The following PFKP variants were observed in gnomAD, a reference collection of about 807,000 sequenced individuals.
PFKP encodes ATP-dependent 6-phosphofructokinase, platelet type.
A neutral mutation model predicts 94.3 loss-of-function variants in PFKP; 101 were observed. That is an observed-to-expected ratio of 1.07 (90% CI 0.91 to 1.26). The LOEUF (loss-of-function observed/expected upper bound fraction) is 1.26, where lower values mean the gene tolerates loss of function less well. PFKP is among the 50% of genes most tolerant of loss of function. PFKP has a pLI of 0.00. For synonymous variants in PFKP, 573 were observed against 432.6 expected, an observed-to-expected ratio of 1.32 and a Z score of -4.03; for missense variants, 1,145 against 1,103.3, an observed-to-expected ratio of 1.04 and a Z score of -0.53.
intron 16 of PFKP, among the ~76,000 whole-genome samples, chr10:3,124,404 G>A (rs2131670159): frequency 6.6e-6 from 1 of 152,340 alleles, no homozygotes; most frequent in South Asian, 2.1e-4. Context: ...GTGTACACGG[G>A]CTCAAGAACC....
At chr10:3,101,600 T>C (rs1835004281) in intron 4 of PFKP, 46 bp downstream of exon 4, 1 of 1,381,578 alleles carries the variant, frequency 7.2e-7, no homozygotes, top group African/African-American at 1.5e-5. Context: ...TCGCCCTGTT[T>C]CAGAGCTTTG....
intron 10 of PFKP, among the ~76,000 whole-genome samples, chr10:3,111,084 A>C (rs117079053): frequency 6.6e-6 from 1 of 151,386 alleles, no homozygotes; most frequent in Admixed American, 6.6e-5. Context: ...ATGCATCTGC[A>C]TGTGTGTGCA....
At chr10:3,131,489 C>T (rs1323154893) in intron 17 of PFKP, among the ~76,000 whole-genome samples, 2 of 152,130 alleles carry the variant, frequency 1.3e-5, no homozygotes. Flanking sequence ...TGGAGTCTCG[C>T]TCTGTCACCC....
intron 1 of PFKP, among the ~76,000 whole-genome samples, chr10:3,073,044 G>A (rs947900559): frequency 1.2e-4 from 18 of 151,776 alleles, no homozygotes; most frequent in African/African-American, 4.1e-4. Context: ...GGTTCTCTCC[G>A]TCTTCACCCC....
chr10:3,126,828 T>C, intron 16 of PFKP, among the ~76,000 whole-genome samples: 1 of 152,262 alleles, frequency 6.6e-6, no homozygotes, highest in East Asian at 1.9e-4. Context: ...CCTCGGGGAA[T>C]TTCTCAGCAG....
intron 2 of PFKP, among the ~76,000 whole-genome samples, chr10:3,095,900 G>C (rs898854001): frequency 2.0e-5 from 3 of 152,176 alleles, no homozygotes; most frequent in Non-Finnish European, 4.4e-5. Context: ...CTTAGCTCAC[G>C]CATGCACTAG....
rs1387027668 is a variant in PFKP at position 3,109,351 on chromosome 10, C to T, written c.964-4C>T. On this transcript the variant is annotated splice_polypyrimidine_tract_variant and splice_region_variant and intron_variant, in intron 9 of 21. Transcript: ENST00000381125. ...CCCCTGACCCACATGGACCTGGTTT[C>T]CAGGCCAGCCGCATGGGAGTGGAGG... 1.9e-6 allele frequency: 3 copies of T among 1,609,038 alleles called. No individual in the cohort carries two copies. The highest frequency in any genetic ancestry group is 2.5e-6 in the Non-Finnish European group (3 of 1,179,996).
chr10:3,105,157 T>TG lies in PFKP; in HGVS notation c.665+1dup. The TG allele has an allele frequency of 6.2e-7, 1 of 1,613,682 alleles. No individual in the cohort carries two copies. The highest frequency in any genetic ancestry group is 8.5e-7 in the Non-Finnish European group (1 of 1,179,722). On this transcript the variant is annotated frameshift_variant and splice_region_variant, in exon 6 of 22. Transcript: ENST00000381125. LOFTEE classifies it high-confidence loss of function. ...TTCTGGAGGTGATGGGACGACACTG[T>TG]GGGTACGTACCTGCGGTGGGTCCGG...
intron 1 of PFKP, among the ~76,000 whole-genome samples, chr10:3,075,675 G>A (rs986239426): frequency 6.7e-6 from 1 of 149,740 alleles, no homozygotes; most frequent in East Asian, 2.0e-4. Context: ...GCCCAAGGCA[G>A]GTGGATCACT....
At chr10:3,074,465 A>G (rs1434994710) in intron 1 of PFKP, among the ~76,000 whole-genome samples, 1 of 152,128 alleles carries the variant, frequency 6.6e-6, no homozygotes, top group Non-Finnish European at 1.5e-5. Context: ...ACTGTCTCCG[A>G]TAAGGGTGGC....
At chr10:3,094,995 CTG>C (rs1554765177) in intron 2 of PFKP, among the ~76,000 whole-genome samples, 1 of 152,166 alleles carries the variant, frequency 6.6e-6, no homozygotes, top group Non-Finnish European at 1.5e-5. Flanking sequence ...CTTTTAAAGT[CTG>C]TTATCTCTAG....
chr10:3,109,592 G>A lies in PFKP; in HGVS notation c.1089+112G>A, dbSNP rs370376129. ...CTCGTCGGTGCACGATGCATTACACGGCCTTTCTGAGAAGGAGGTGAGCTG... is the reference window on the plus strand; with the variant it reads ...CTCGTCGGTGCACGATGCATTACACAGCCTTTCTGAGAAGGAGGTGAGCTG... On this transcript the variant is annotated intron_variant, in intron 10 of 21. Transcript: ENST00000381125. The A allele has an allele frequency of 1.4e-5, 18 of 1,330,582 alleles. 1 individual carries two copies. Among genetic ancestry groups the A allele is most frequent in the African/African-American group, 1.0e-4 (7 of 69,452 alleles). 82.4% of individuals were successfully genotyped at this position (1,330,582 alleles called of 1,614,324 possible).
chr10:3,067,769 C>G, intron 1 of PFKP, 62 bp downstream of exon 1: 2 of 832,208 alleles, frequency 2.4e-6, no homozygotes, highest in Non-Finnish European at 3.5e-6. Flanking sequence ...GAGAACCGGG[C>G]GAAGGCGATG....
intron 2 of PFKP, among the ~76,000 whole-genome samples, chr10:3,090,444 A>G (rs1249039756): frequency 6.6e-6 from 1 of 152,220 alleles, no homozygotes; most frequent in Non-Finnish European, 1.5e-5. Context: ...ACTGCTTTTC[A>G]GGGATGAGAC....
At chr10:3,122,721 G>A (rs1418046243) in intron 16 of PFKP, among the ~76,000 whole-genome samples, 2 of 152,212 alleles carry the variant, frequency 1.3e-5, no homozygotes, top group African/African-American at 2.4e-5. Context: ...CAGCATTTAG[G>A]TTTGAGGTCT....
intron 1 of PFKP, among the ~76,000 whole-genome samples, chr10:3,077,261 C>CTTTTTTTTTTTTTTTTTTTTTTTT (rs34485324): frequency 5.9e-5 from 5 of 84,238 alleles, no homozygotes; most frequent in Non-Finnish European, 1.0e-4. Context: ...TTTTTTTTTT[C>CTTTTTTTTTTTTTTTTTTTTTTTT]TTTTTTTTTT....
chr10:3,072,589 C>T (rs1162312801), intron 1 of PFKP, among the ~76,000 whole-genome samples: 1 of 150,964 alleles, frequency 6.6e-6, no homozygotes, highest in Non-Finnish European at 1.5e-5. Context: ...GTAATGGCAT[C>T]ATTTTCTGTG....
chr10:3,101,640 C>G, intron 4 of PFKP, 86 bp downstream of exon 4: 2 of 922,984 alleles, frequency 2.2e-6, no homozygotes, highest in Non-Finnish European at 3.2e-6. Flanking sequence ...TTCACTGTGG[C>G]AGAAGTACCT....
At chr10:3,117,570 C>CA (rs1289083941) in intron 14 of PFKP, among the ~76,000 whole-genome samples, 1 of 152,174 alleles carries the variant, frequency 6.6e-6, no homozygotes, top group Non-Finnish European at 1.5e-5. Context: ...GCTTTACAGC[C>CA]AGGACCCTGG....
Sources: allele counts gnomAD v4.1 joint callset (sites outside exome capture counted in the v4.1 genomes callset), GRCh38; gene constraint gnomAD v4.1.1; transcripts MANE v1.5; gene names NCBI Gene and HGNC (gene_info 2026-07-23, HGNC 2026-07-21).